Variants in QKI observed in about 807,000 individuals in gnomAD.
QKI encodes QKI, KH domain containing RNA binding, also known as KH domain-containing RNA-binding protein QKI.
QKI carries 10 observed loss-of-function variants against 39.0 expected under a neutral mutation model. The observed-to-expected ratio is 0.26, with a 90% CI of 0.16 to 0.43. QKI has a LOEUF of 0.43. Among genes scored for constraint, QKI ranks in the 20% least tolerant of loss-of-function variants. The probability of loss-of-function intolerance (pLI) is 1.00; values close to 1 mark genes in which losing one functional copy is unlikely to be tolerated. For missense variants in QKI, 218 were observed against 428.0 expected (o/e 0.51, Z 4.33); for synonymous variants, 204 against 155.4 (o/e 1.31, Z -2.33).
chr6:163,554,585 A>G (rs570443224), intron 4 of QKI, among the ~76,000 whole-genome samples: 2 of 152,324 alleles, frequency 1.3e-5, no homozygotes, highest in East Asian at 1.9e-4. Flanking sequence ...GGTGTTTAAG[A>G]TAAGTATTTC....
chr6:163,442,979 TGAA>T (rs1256541886), intron 1 of QKI, among the ~76,000 whole-genome samples: 1 of 152,186 alleles, frequency 6.6e-6, no homozygotes, highest in East Asian at 1.9e-4. Context: ...AATGTACACT[TGAA>T]GAGGCAGTAA....
intron 1 of QKI, among the ~76,000 whole-genome samples, chr6:163,433,803 C>G (rs1789028876): frequency 6.6e-6 from 1 of 152,012 alleles, no homozygotes; most frequent in South Asian, 2.1e-4. Flanking sequence ...GGTAGCATGC[C>G]TTGCACTTTT....
intron 3 of QKI, among the ~76,000 whole-genome samples, chr6:163,505,417 T>TGTC (rs1779032518): frequency 1.3e-5 from 2 of 152,172 alleles, no homozygotes; most frequent in Non-Finnish European, 2.9e-5. Context: ...AGGCACTCAT[T>TGTC]GTCAGCCCAT....
At chr6:163,566,556 C>T in intron 6 of QKI, 165 bp from the exon 7 acceptor site, 3 of 1,486,742 alleles carry the variant, frequency 2.0e-6, no homozygotes, top group Non-Finnish European at 2.7e-6. Flanking sequence ...TGCATATATA[C>T]ATGACATATT....
At chr6:163,548,536 CA>C (rs1179118504) in intron 4 of QKI, among the ~76,000 whole-genome samples, 1 of 152,118 alleles carries the variant, frequency 6.6e-6, no homozygotes, top group Non-Finnish European at 1.5e-5. Context: ...ACACTTTAAA[CA>C]GGTAAATATT....
intron 3 of QKI, among the ~76,000 whole-genome samples, chr6:163,487,552 G>T (rs754776772): frequency 5.3e-5 from 8 of 152,126 alleles, no homozygotes; most frequent in South Asian, 2.1e-4. Context: ...ACAAATGAGG[G>T]TCATCTACAT....
chr6:163,537,120 A>C (rs1313438861), intron 4 of QKI, among the ~76,000 whole-genome samples: 1 of 152,172 alleles, frequency 6.6e-6, no homozygotes, highest in African/African-American at 2.4e-5. Context: ...ATGTGGAAGG[A>C]TCGCTGAGGC....
intron 3 of QKI, among the ~76,000 whole-genome samples, chr6:163,533,752 A>G (rs201421871): frequency 6.6e-6 from 1 of 152,200 alleles, no homozygotes; most frequent in East Asian, 1.9e-4. Flanking sequence ...TTGGAAATAC[A>G]TAGATGGCCC....
intron 4 of QKI, among the ~76,000 whole-genome samples, chr6:163,552,957 G>A (rs1006031898): frequency 2.5e-4 from 37 of 150,804 alleles, no homozygotes; most frequent in Admixed American, 1.3e-4. Flanking sequence ...CACCACTCCC[G>A]CCACAGTGGG....
chr6:163,429,962 T>A (rs1788700776), intron 1 of QKI, among the ~76,000 whole-genome samples: 1 of 152,086 alleles, frequency 6.6e-6, no homozygotes, highest in Non-Finnish European at 1.5e-5. Context: ...TAAAGACTGG[T>A]GCTAAAGAGG....
chr6:163,448,967 A>T lies in QKI; in HGVS notation c.143-6312A>T, dbSNP rs1790355670. On this transcript the variant is annotated intron_variant, in intron 1 of 7. Transcript: ENST00000361752. ...TTGTTAACCCTAAATTCATAAGGTT[A>T]CACACCAGCCACCTCTTTATGAAGT... Among the ~76,000 whole-genome samples the T allele has an allele frequency of 4.6e-5, 7 of 152,182 alleles. No individual in the cohort carries two copies. The South Asian group carries it at 6.2e-4, about 14-fold the overall frequency.
At chr6:163,548,078 A>C (rs1218403641) in intron 4 of QKI, among the ~76,000 whole-genome samples, 1 of 152,192 alleles carries the variant, frequency 6.6e-6, no homozygotes, top group African/African-American at 2.4e-5. Context: ...TATTTTGGCG[A>C]TCTCCAGAAA....
chr6:163,520,545 G>A (rs185347729), intron 3 of QKI, among the ~76,000 whole-genome samples: 30 of 152,104 alleles, frequency 2.0e-4, no homozygotes, highest in Non-Finnish European at 3.2e-4. Context: ...AAGGTGGTAC[G>A]AGATTGTCCT....
intron 1 of QKI, among the ~76,000 whole-genome samples, chr6:163,444,906 TA>T (rs1230957594): frequency 5.3e-5 from 8 of 152,174 alleles, no homozygotes; most frequent in African/African-American, 1.9e-4. Context: ...AAACACTTTT[TA>T]ATTATTATTA....
chr6:163,477,048 CT>C (rs1222866689), intron 2 of QKI, among the ~76,000 whole-genome samples: 2 of 135,650 alleles, frequency 1.5e-5, no homozygotes, highest in African/African-American at 2.9e-5. Flanking sequence ...CAGAGTCTCG[CT>C]TTATTGCCCA....
chr6:163,563,785 T>G (rs1783182061), intron 6 of QKI, 66 bp downstream of exon 6: 6 of 1,540,354 alleles, frequency 3.9e-6, no homozygotes, highest in Non-Finnish European at 5.2e-6. Context: ...CCTCAGATTT[T>G]GAAATGATTT....
intron 3 of QKI, among the ~76,000 whole-genome samples, chr6:163,501,485 ACT>A (rs1425956216): frequency 6.6e-6 from 1 of 152,158 alleles, no homozygotes; most frequent in Non-Finnish European, 1.5e-5. Flanking sequence ...GCTACTTGAA[ACT>A]CTAAAATGAA....
At chr6:163,519,117 G>A (rs1780000037) in intron 3 of QKI, among the ~76,000 whole-genome samples, 1 of 152,108 alleles carries the variant, frequency 6.6e-6, no homozygotes, top group Non-Finnish European at 1.5e-5. Context: ...GAACTAGAGA[G>A]TTGATATTCA....
chr6:163,523,109 T>C (rs1315730870), intron 3 of QKI, among the ~76,000 whole-genome samples: 1 of 151,994 alleles, frequency 6.6e-6, no homozygotes, highest in Non-Finnish European at 1.5e-5. Flanking sequence ...TGTATGTGGA[T>C]CCTTCAGCAT....
Sources: gnomAD v4.1 joint callset for allele counts (sites outside exome capture counted in the v4.1 genomes callset) on GRCh38, gnomAD v4.1.1 for gene constraint, MANE v1.5 for transcripts, NCBI Gene and HGNC (gene_info 2026-07-23, HGNC 2026-07-21) for gene names.